Variants in PIWIL3 observed in about 807,000 individuals in gnomAD.
PIWIL3 encodes piwi like RNA-mediated gene silencing 3.
In PIWIL3, 101 loss-of-function variants were observed where a neutral mutation model predicts 109.7. The observed-to-expected ratio is 0.92, with a 90% CI of 0.78 to 1.09. The LOEUF (loss-of-function observed/expected upper bound fraction) is 1.09. PIWIL3 is among the 50% of genes least tolerant of loss of function. PIWIL3 has a pLI of 0.00. For missense variants in PIWIL3, 1,031 were observed against 1,072.6 expected, an observed-to-expected ratio of 0.96 and a Z score of 0.54; for synonymous variants, 373 against 376.4, an observed-to-expected ratio of 0.99 and a Z score of 0.10.
chr22:24,766,463 C>CG (rs948616123), intron 1 of PIWIL3, among the ~76,000 whole-genome samples: 26 of 152,038 alleles, frequency 1.7e-4, no homozygotes, highest in Admixed American at 1.2e-3. Context: ...GAAGTACAGG[C>CG]GCCCGCCACC....
intron 12 of PIWIL3, among the ~76,000 whole-genome samples, chr22:24,744,628 G>A (rs982533453): frequency 6.6e-6 from 1 of 152,004 alleles, no homozygotes; most frequent in Non-Finnish European, 1.5e-5. Flanking sequence ...TAGATTTCAA[G>A]ACAAAAACTA....
At chr22:24,739,773 G>A (rs536055887) in intron 12 of PIWIL3, among the ~76,000 whole-genome samples, 10 of 152,226 alleles carry the variant, frequency 6.6e-5, no homozygotes, top group African/African-American at 9.6e-5. Flanking sequence ...TAATAGGGCC[G>A]GGGGCGGTGG....
chr22:24,744,178 T>TAAAAAAAAAAAAAAAAAAAA (rs1188611412), intron 12 of PIWIL3, among the ~76,000 whole-genome samples: 6 of 34,304 alleles, frequency 1.7e-4, no homozygotes, highest in Non-Finnish European at 3.4e-4. Flanking sequence ...GTGACCGAAT[T>TAAAAAAAAAAAAAAAAAAAA]AAAAAAAAAA....
chr22:24,768,901 G>A (rs1601856618), intron 1 of PIWIL3, among the ~76,000 whole-genome samples: 1 of 152,314 alleles, frequency 6.6e-6, no homozygotes, highest in East Asian at 1.9e-4. Flanking sequence ...CCTCAGCCTT[G>A]GCCATGAGAC....
chr22:24,762,463 C>T lies in PIWIL3; in HGVS notation c.37G>A (p.Ala13Thr). 1.2e-6 allele frequency: 2 copies of T among 1,613,928 alleles called. No homozygotes were observed. The highest frequency in any genetic ancestry group is 1.7e-6 in the Non-Finnish European group (2 of 1,179,924). The change falls in exon 2 of 21, where the codon GCC becomes ACC. Residue 13 changes from alanine to threonine, a missense_variant. Physicochemically the swap from Ala to Thr is moderately conservative, Grantham distance 58. Coordinates refer to ENST00000616349, the MANE Select transcript of PIWIL3 (RefSeq NM_001255975.1). ...GRARTRARGR[A>T]RRRESYQQEA... is the part of the protein sequence containing the mutation. ...TGTTGGTAGCTCTCCCTGCGGCGGGCTCTGCCTCGGGCGCGAGTCCTTGCC... is the reference window on the plus strand; with the variant it reads ...TGTTGGTAGCTCTCCCTGCGGCGGGTTCTGCCTCGGGCGCGAGTCCTTGCC...
At chr22:24,731,222 G>C (rs1923327185) in intron 14 of PIWIL3, among the ~76,000 whole-genome samples, 1 of 152,180 alleles carries the variant, frequency 6.6e-6, no homozygotes, top group South Asian at 2.1e-4. Context: ...CTGAAGGAAT[G>C]CCCCAAACCT....
intron 5 of PIWIL3, 108 bp from the exon 6 acceptor site, chr22:24,756,013 G>T (rs895513372): frequency 1.7e-6 from 2 of 1,202,248 alleles, no homozygotes; most frequent in African/African-American, 1.5e-5. Context: ...ACACCATCGT[G>T]ATGGAGCAGT....
At chr22:24,737,105 C>T (rs1923700489) in intron 12 of PIWIL3, among the ~76,000 whole-genome samples, 1 of 152,204 alleles carries the variant, frequency 6.6e-6, no homozygotes, top group Admixed American at 6.5e-5. Context: ...AGGCACCAGC[C>T]AGGGTAGCTA....
chr22:24,739,662 A>C (rs1923865460), intron 12 of PIWIL3, among the ~76,000 whole-genome samples: 1 of 152,168 alleles, frequency 6.6e-6, no homozygotes, highest in Non-Finnish European at 1.5e-5. Context: ...CATCAACACC[A>C]GATCTGCCCT....
rs962556033 is a variant in PIWIL3 at position 24,730,699 on chromosome 22, T to C, written c.1708-2325A>G. Among the ~76,000 whole-genome samples, 4 of 152,256 alleles carry C rather than the reference T, an allele frequency of 2.6e-5. No individual in the cohort carries two copies. The South Asian group carries it at 6.2e-4, about 24-fold the overall frequency. On this transcript the variant is annotated intron_variant, in intron 14 of 20. Transcript: ENST00000616349. ...GATTAAAAGGAATAAAGTTTCCAAA[T>C]ATCTAAAAAAAATGAAAGGTTTAGA...
At chr22:24,736,640 AC>A (rs1212850149) in intron 12 of PIWIL3, among the ~76,000 whole-genome samples, 1 of 152,232 alleles carries the variant, frequency 6.6e-6, no homozygotes, top group Non-Finnish European at 1.5e-5. Flanking sequence ...TCAGGTGAGC[AC>A]TCAGTGTCTG....
At chr22:24,759,134 T>C (rs545589773) in intron 3 of PIWIL3, among the ~76,000 whole-genome samples, 3 of 152,308 alleles carry the variant, frequency 2.0e-5, no homozygotes, top group African/African-American at 7.2e-5. Context: ...CCTCAAGTGA[T>C]CCACCCACCC....
rs1569099726 is a variant in PIWIL3 at position 24,734,399 on chromosome 22, C to T, written c.1635-243G>A. ...AGCTAAACAGACTGAAAACAATGAACAGCTCTCCTAGGATTTTCAAGAGAG... is the reference window on the plus strand; with the variant it reads ...AGCTAAACAGACTGAAAACAATGAATAGCTCTCCTAGGATTTTCAAGAGAG... On this transcript the variant is annotated intron_variant, in intron 13 of 20. Coordinates refer to ENST00000616349, the MANE Select transcript of PIWIL3 (RefSeq NM_001255975.1). Among the ~76,000 whole-genome samples the T allele has an allele frequency of 5.3e-5, 8 of 152,300 alleles. No homozygotes were observed. In the South Asian group the frequency reaches 1.7e-3, roughly 32 times the overall value.
At position 24,757,291 on chromosome 22, in the gene PIWIL3, A is replaced by C. The variant is rs148637835; in HGVS notation, c.356-586T>G. Among the ~76,000 whole-genome samples the C allele has an allele frequency of 2.0e-5, 3 of 151,990 alleles. No individual in the cohort carries two copies. The East Asian group carries it at 5.8e-4, about 30-fold the overall frequency. On this transcript the variant is annotated intron_variant, in intron 4 of 20. Transcript: ENST00000616349. ...CCAAAAGGAGAGAAAGCGCCACCCT[A>C]TGTAATAATATTTAATTTTAAAAAA... is the stretch of plus-strand genomic sequence containing the variant.
Position 24,762,450 on chromosome 22 carries a change from T to A in PIWIL3, c.50A>T (p.Glu17Val). 1 of 1,614,032 alleles carries A rather than the reference T, an allele frequency of 6.2e-7. No individual in the cohort carries two copies. Among genetic ancestry groups the A allele is most frequent in the East Asian group, 2.2e-5 (1 of 44,874 alleles). ...CCCAGGTGCCTCTTGTTGGTAGCTCTCCCTGCGGCGGGCTCTGCCTCGGGC... is the reference window on the plus strand; with the variant it reads ...CCCAGGTGCCTCTTGTTGGTAGCTCACCCTGCGGCGGGCTCTGCCTCGGGC... ...TRARGRARRR[E>V]SYQQEAPGGP... The change falls in exon 2 of 21, where the codon GAG becomes GTG. Residue 17 changes from glutamate (E) to valine (V), a missense_variant. Transcript: ENST00000616349.
intron 9 of PIWIL3, among the ~76,000 whole-genome samples, chr22:24,750,792 T>TTTGA (rs1238392739): frequency 6.7e-6 from 1 of 149,724 alleles, no homozygotes; most frequent in East Asian, 2.0e-4. Flanking sequence ...CCGGCCCATA[T>TTTGA]TTGATTATCT....
At position 24,756,646 on chromosome 22, in the gene PIWIL3, G is replaced by A. The variant is rs547910042; in HGVS notation, c.415C>T (p.Gln139Ter). Residue 139 changes from glutamine (Q) to a stop codon, truncating the protein, a stop_gained, in exon 5 of 21, where the codon CAG becomes TAG. Coordinates refer to ENST00000616349, the MANE Select transcript of PIWIL3 (RefSeq NM_001255975.1). LOFTEE classifies it high-confidence loss of function. ...ACGTTGTATTTATATGCAACCCACT[G>A]AGGACGAGATATCACTCGGAAGTGG... ...ANHFRVISRP[Q>*]WVAYKYNVDY... The A allele has an allele frequency of 1.9e-6, 3 of 1,614,106 alleles. No homozygotes were observed. Among genetic ancestry groups the A allele is most frequent in the South Asian group, 2.2e-5 (2 of 91,074 alleles).
Position 24,722,334 on chromosome 22 carries a change from G to A in PIWIL3, c.2357+796C>T, listed in dbSNP as rs372272858. ...CTGGACCTCGTGATCTGCCCGCCTT[G>A]GCCTCCCAAAGTGCTGGGATTACAG... is the stretch of plus-strand genomic sequence containing the variant. On this transcript the variant is annotated intron_variant, in intron 19 of 20. Coordinates refer to ENST00000616349, the MANE Select transcript of PIWIL3 (RefSeq NM_001255975.1). Among the ~76,000 whole-genome samples the A allele has an allele frequency of 5.8e-4, 88 of 152,098 alleles. No homozygotes were observed. The East Asian group carries it at 0.012, about 20-fold the overall frequency.
intron 17 of PIWIL3, 116 bp downstream of exon 17, chr22:24,725,329 G>A: frequency 7.7e-7 from 1 of 1,299,772 alleles, no homozygotes; most frequent in Non-Finnish European, 1.1e-6. Context: ...CACCCCAGTT[G>A]TGACACCAAA....
Sources: allele counts gnomAD v4.1 joint callset (sites outside exome capture counted in the v4.1 genomes callset), GRCh38; gene constraint gnomAD v4.1.1; transcripts MANE v1.5; gene names NCBI Gene and HGNC (gene_info 2026-07-23, HGNC 2026-07-21).